The following FAS variants were observed in gnomAD, a reference collection of about 807,000 sequenced individuals.
FAS encodes Fas cell surface death receptor, also known as tumor necrosis factor receptor superfamily member 6.
FAS carries 5 observed loss-of-function variants against 33.2 expected under a neutral mutation model. The ratio of observed to expected loss-of-function variants is 0.15; its 90% confidence interval spans 0.08 to 0.32. FAS has a LOEUF of 0.32. FAS is among the 10% of genes least tolerant of loss of function. FAS has a pLI of 1.00. For synonymous variants in FAS, 131 were observed against 130.7 expected (o/e 1.00, Z -0.01); for missense variants, 339 against 386.0 (o/e 0.88, Z 1.02).
intron 1 of FAS, among the ~76,000 whole-genome samples, chr10:89,001,745 A>T (rs1228464781): frequency 1.3e-5 from 2 of 152,192 alleles, no homozygotes; most frequent in Non-Finnish European, 2.9e-5. Context: ...TTGTCATCGG[A>T]TACAAAGAAC....
chr10:88,991,442 G>T (rs958743407), intron 1 of FAS: 2 of 204,076 alleles, frequency 9.8e-6, no homozygotes, highest in Non-Finnish European at 2.0e-5. Flanking sequence ...GTTCTCAGAC[G>T]TAGGAAATAA....
chr10:88,964,986 A>G (rs1236133020), intron 1 of FAS, among the ~76,000 whole-genome samples: 2 of 152,104 alleles, frequency 1.3e-5, no homozygotes, highest in Non-Finnish European at 2.9e-5. Flanking sequence ...ACACAAATTC[A>G]TATAGTCCAG....
chr10:88,997,640 T>C (rs562184433), intron 1 of FAS, among the ~76,000 whole-genome samples: 8 of 152,216 alleles, frequency 5.3e-5, no homozygotes, highest in Non-Finnish European at 1.2e-4. Flanking sequence ...CAAGATGACA[T>C]CACTATATCC....
chr10:88,981,383 C>CT (rs5786847), intron 2 of FAS, among the ~76,000 whole-genome samples: 92,010 of 149,596 alleles, frequency 0.62, 28,766 homozygotes, highest in East Asian at 0.97. Context: ...AGAGAAATGA[C>CT]TTTTTTTTTT....
At chr10:89,004,928 T>C (rs1848133679) in intron 2 of FAS, among the ~76,000 whole-genome samples, 1 of 152,224 alleles carries the variant, frequency 6.6e-6, no homozygotes, top group Admixed American at 6.5e-5. Flanking sequence ...TGTTGTGATA[T>C]TCATATGTAA....
chr10:88,973,212 G>T (rs1161941751), exon 2 of FAS: 3 of 1,612,204 alleles, frequency 1.9e-6, no homozygotes, highest in Non-Finnish European at 2.5e-6. Flanking sequence ...GATAATTTCT[G>T]GCACTGCTTT....
rs565919943 is a variant in FAS at position 89,016,299 on chromosome 10, C to G, written c.*1849C>G. ...TTATGGTCTGGAAAGTGTCTTTAGG[C>G]AGAAAGTCTGAGTGATCACAGGGTT... On this transcript the variant is annotated 3_prime_UTR_variant, in exon 9 of 9. Transcript: ENST00000652046. The G allele has an allele frequency of 2.7e-5, 6 of 218,356 alleles. No homozygotes were observed. Among genetic ancestry groups the G allele is most frequent in the African/African-American group, 1.3e-4 (6 of 44,644 alleles). The allele number at this position is 218,356 out of a possible 1,614,324, so 13.5% of individuals were successfully genotyped here.
intron 2 of FAS, among the ~76,000 whole-genome samples, chr10:89,004,762 G>A (rs9658739): frequency 2.6e-4 from 40 of 152,090 alleles, no homozygotes; most frequent in African/African-American, 9.6e-4. Flanking sequence ...ATTTCCAACT[G>A]ATCTGGCTGG....
At chr10:88,982,428 C>CT (rs951815486), upstream of FAS, among the ~76,000 whole-genome samples, 554 of 144,692 alleles carry the variant, frequency 3.8e-3, 2 homozygotes, top group East Asian at 0.023. Context: ...GTGTTTTTTT[C>CT]TTTTTTTTTT....
upstream of FAS, chr10:88,990,642 C>T (rs1021894100): frequency 8.6e-6 from 6 of 695,214 alleles, no homozygotes; most frequent in African/African-American, 1.1e-4. This position sits in a 1 kb window ranked among gnomAD's most constrained non-coding sequence, Gnocchi z 4.9. Flanking sequence ...TTCGTGAGCT[C>T]GTCTCTGATC....
chr10:88,987,652 A>G (rs1471163415), upstream of FAS, among the ~76,000 whole-genome samples: 1 of 152,188 alleles, frequency 6.6e-6, no homozygotes, highest in Non-Finnish European at 1.5e-5. Context: ...ATCTACTCCA[A>G]CTGAATGTGA....
At chr10:89,013,550 T>G (rs1806762933) in intron 8 of FAS, among the ~76,000 whole-genome samples, 183 bp downstream of exon 8, 1 of 152,184 alleles carries the variant, frequency 6.6e-6, no homozygotes, top group Non-Finnish European at 1.5e-5. Flanking sequence ...TAATGAATAC[T>G]CATAGTTAAA....
In FAS at chr10:89,007,809, A is replaced by C; in HGVS notation, c.306A>C (p.Arg102Ser). The C allele has an allele frequency of 6.2e-7, 1 of 1,614,018 alleles. No individual in the cohort carries two copies. Among genetic ancestry groups the C allele is most frequent in the Non-Finnish European group, 8.5e-7 (1 of 1,179,910 alleles). ...TDKAHFSSKC[R>S]RCRLCDEGHG... ...AAGCCCATTTTTCTTCCAAATGCAG[A>C]AGATGTAGATTGTGTGATGAAGGAC... The change falls in exon 3 of 9, where the codon AGA (arginine) becomes AGC (serine). Residue 102 changes from arginine to serine, a missense_variant. By Grantham distance (110) the Arg-to-Ser change is moderately radical. Transcript: ENST00000652046.
intron 1 of FAS, among the ~76,000 whole-genome samples, chr10:88,995,798 G>A (rs569700215): frequency 6.6e-6 from 1 of 152,238 alleles, no homozygotes; most frequent in East Asian, 1.9e-4. Flanking sequence ...TGCACTCCAG[G>A]CTGGGCGACA....
intron 2 of FAS, chr10:88,973,426 C>T (rs990507518): frequency 8.5e-7 from 1 of 1,179,200 alleles, no homozygotes; most frequent in African/African-American, 1.6e-5. Context: ...TTCTTGTTAG[C>T]CATTATCTCT....
At chr10:89,008,605 C>T (rs1848365872) in intron 3 of FAS, among the ~76,000 whole-genome samples, 1 of 152,194 alleles carries the variant, frequency 6.6e-6, no homozygotes, top group African/African-American at 2.4e-5. Flanking sequence ...CTCATGCTGC[C>T]AGTCCCCAGG....
At chr10:88,999,901 A>G (rs1261978440) in intron 1 of FAS, among the ~76,000 whole-genome samples, 1 of 152,246 alleles carries the variant, frequency 6.6e-6, no homozygotes, top group Non-Finnish European at 1.5e-5. Context: ...CCAAGATTTC[A>G]TCAGAGACAG....
chr10:88,976,704 C>T (rs977165981), intron 2 of FAS, among the ~76,000 whole-genome samples: 1 of 152,040 alleles, frequency 6.6e-6, no homozygotes, highest in Non-Finnish European at 1.5e-5. Flanking sequence ...TTTAAATTAA[C>T]AAAATTGTAT....
At chr10:88,973,151 T>C in intron 1 of FAS, 2 of 1,583,058 alleles carry the variant, frequency 1.3e-6, no homozygotes, top group Non-Finnish European at 1.7e-6. Context: ...CCCAATCCTC[T>C]CACCTTCCCT....
Sources: gnomAD v4.1 joint callset for allele counts (sites outside exome capture counted in the v4.1 genomes callset) on GRCh38, gnomAD v4.1.1 for gene constraint, Gnocchi (gnomAD v3.1) non-coding constraint, MANE v1.5 for transcripts, NCBI Gene and HGNC (gene_info 2026-07-23, HGNC 2026-07-21) for gene names.